The following PRRT1 variants were observed in gnomAD, a reference collection of about 807,000 sequenced individuals.
The protein encoded by PRRT1 is proline rich transmembrane protein 1.
PRRT1 carries 8 observed loss-of-function variants against 22.6 expected under a neutral mutation model. That is an observed-to-expected ratio of 0.35 (90% CI 0.21 to 0.64). The LOEUF is 0.64. PRRT1 is among the 30% of genes least tolerant of loss of function. The pLI, the probability that PRRT1 is intolerant of heterozygous loss-of-function variation, is 0.69. For missense variants in PRRT1, 315 were observed against 444.5 expected (o/e 0.71, Z 2.62); for synonymous variants, 176 against 203.6 (o/e 0.86, Z 1.15).
rs1231415912 is a variant in PRRT1, at chr6:32,149,680, T to G, written c.601A>C (p.Thr201Pro). Residue 201 changes from threonine (T) to proline (P), a missense_variant, in exon 3 of 4, where the codon ACT becomes CCT. By Grantham distance (38) the Thr-to-Pro change is conservative (BLOSUM62 -1). Transcript: ENST00000211413. The surrounding 1 kb of genome is among the most constrained non-coding windows in gnomAD (Gnocchi z 8.7). ...GTPGGTGVTSTLPPPPQGPGL... is the reference protein window; with the variant it reads ...GTPGGTGVTSPLPPPPQGPGL... ...GGGCCCTGGGGCGGCGGGGGGAGAG[T>G]GGAGGTCACTCCTGTTCCCCCCGGG... The G allele has an allele frequency of 6.2e-7, 1 of 1,609,310 alleles. No individual in the cohort carries two copies. The highest frequency in any genetic ancestry group is 1.3e-5 in the African/African-American group (1 of 74,580).
upstream of PRRT1, among the ~76,000 whole-genome samples, chr6:32,152,631 T>C (rs180937269): frequency 5.8e-4 from 88 of 152,156 alleles, no homozygotes; most frequent in African/African-American, 1.9e-3. Flanking sequence ...TAACTGCTCA[T>C]TTCTGGCAGC....
rs765420284 is a variant in PRRT1, at chr6:32,149,368, C to T, written c.775G>A (p.Val259Met). 1 of 1,604,948 alleles carries T rather than the reference C, an allele frequency of 6.2e-7. No individual in the cohort carries two copies. The highest frequency in any genetic ancestry group is 1.1e-5 in the South Asian group (1 of 90,476). Residue 259 changes from valine (V) to methionine (M), a missense_variant, in exon 4 of 4, where the codon GTG becomes ATG. Transcript: ENST00000211413. The surrounding 1 kb of genome is among the most constrained non-coding windows in gnomAD (Gnocchi z 8.7). Reference protein sequence around the residue: ...VRTALARGDMVSAEIASREAR... With the variant: ...VRTALARGDMMSAEIASREAR... ...TCGCGTGAAGCGATCTCGGCCGACA[C>T]CATGTCTCCGCGGGCCAAGGCCGTG...
In PRRT1 at chr6:32,151,815, T is replaced by C. The variant is rs910162769; in HGVS notation, c.13A>G (p.Lys5Glu). The change falls in exon 1 of 4, where the codon AAG (lysine) becomes GAG (glutamate). Residue 5 changes from lysine to glutamate, a missense_variant. By Grantham distance (56) the Lys-to-Glu change is moderately conservative (BLOSUM62 1). Around this residue, in one of 4 missense-constraint regions of PRRT1, gnomAD observed 263 missense variants for 328.5 expected, o/e 0.80. Transcript: ENST00000211413. ...GTTTTGTTATTGTTTTTACCTGACT[T>C]TTCGGATGACATGCCTGCGGTCTCG... MSSE[K>E]SGLPDSVPHT... 53 of 1,609,208 alleles carry C rather than the reference T, an allele frequency of 3.3e-5. No individual in the cohort carries two copies. The highest frequency in any genetic ancestry group is 4.4e-5 in the Non-Finnish European group (52 of 1,178,534).
upstream of PRRT1, chr6:32,151,961 GGGCGGGGGGGGCGGGC>G: frequency 3.3e-6 from 1 of 303,110 alleles, no homozygotes; most frequent in Admixed American, 3.7e-5. Context: ...CGGGGGGGGG[GGGCGGGGGGGGCGGGC>G]GGAGGGAGAG....
upstream of PRRT1, chr6:32,152,303 C>A: frequency 2.5e-6 from 1 of 398,314 alleles, no homozygotes; most frequent in Non-Finnish European, 4.9e-6. Flanking sequence ...GGCAGGTCGT[C>A]TCCCCCTCTT....
At chr6:32,152,955 GT>G (rs1378415858), upstream of PRRT1, 1 of 146,530 alleles carries the variant, frequency 6.8e-6, no homozygotes, top group East Asian at 2.0e-4. Flanking sequence ...CTTCCCTTAC[GT>G]CCCCCCAGCC....
rs1188145162 is a variant in PRRT1, at chr6:32,149,946, C to G, written c.559-224G>C. Reference sequence around the variant, plus strand: ...TATTCTTGGGCTTTCTACATTCTCTCCCGCAAGGTATGGTCCCACTGGGGC... The same window carrying G: ...TATTCTTGGGCTTTCTACATTCTCTGCCGCAAGGTATGGTCCCACTGGGGC... On this transcript the variant is annotated intron_variant, in intron 2 of 3. Transcript: ENST00000211413. This position sits in a 1 kb window ranked among gnomAD's most constrained non-coding sequence, Gnocchi z 8.7. The G allele has an allele frequency of 8.9e-6, 5 of 563,976 alleles. No individual in the cohort carries two copies. The highest frequency in any genetic ancestry group is 3.4e-5 in the Admixed American group (1 of 29,122). The allele number at this position is 563,976 out of a possible 1,614,324, so 34.9% of individuals were successfully genotyped here.
At position 32,149,031 on chromosome 6, in the gene PRRT1, G is replaced by A. The variant is rs894747348; in HGVS notation, c.*191C>T. 10 of 743,128 alleles carry A rather than the reference G, an allele frequency of 1.3e-5. No individual in the cohort carries two copies. The highest frequency in any genetic ancestry group is 9.5e-6 in the Non-Finnish European group (4 of 420,416). 46.0% of individuals were successfully genotyped at this position (743,128 alleles called of 1,614,324 possible). A position where few individuals can be genotyped will look rare whatever the true frequency, so the allele number is the denominator to read the frequency against. On this transcript the variant is annotated 3_prime_UTR_variant, in exon 4 of 4. Coordinates refer to ENST00000211413, the MANE Select transcript of PRRT1 (RefSeq NM_030651.4). This position sits in a 1 kb window ranked among gnomAD's most constrained non-coding sequence, Gnocchi z 8.7. ...CGTCCCTGGGGGTGTGGGTTTTGGA[G>A]GGGTTCCTGAGGAACTGGATTCCGA...
At chr6:32,152,102 T>G, upstream of PRRT1, 2 of 698,612 alleles carry the variant, frequency 2.9e-6, no homozygotes, top group Non-Finnish European at 5.3e-6. Flanking sequence ...TACCCCGGCA[T>G]TCAAGCCCCC....
chr6:32,151,098 C>T (rs2127378977), intron 1 of PRRT1, 192 bp from the exon 2 acceptor site: 1 of 705,430 alleles, frequency 1.4e-6, no homozygotes, highest in East Asian at 2.7e-5. Context: ...ATCTGCCCCC[C>T]TCCTTCTTCC....
chr6:32,149,753 T>A lies in PRRT1; in HGVS notation c.559-31A>T. ...GAAGGAAATTTGGGGGGCAGGGGCA[T>A]CACTCTGACCCTCTCCCAGCCTACC... On this transcript the variant is annotated intron_variant, in intron 2 of 3. Transcript: ENST00000211413. This position sits in a 1 kb window ranked among gnomAD's most constrained non-coding sequence, Gnocchi z 8.7. 1 of 1,443,822 alleles carries A rather than the reference T, an allele frequency of 6.9e-7. No individual in the cohort carries two copies. Among genetic ancestry groups the A allele is most frequent in the Non-Finnish European group, 9.3e-7 (1 of 1,070,650 alleles). The allele number at this position is 1,443,822 out of a possible 1,614,324, so 89.4% of individuals were successfully genotyped here. A position where few individuals can be genotyped will look rare whatever the true frequency, so the allele number is the denominator to read the frequency against.
In PRRT1 at chr6:32,150,022, G is replaced by A. The variant is rs1783170779; in HGVS notation, c.559-300C>T. ...TTTCTTCCCTCCAGACACCTACCAG[G>A]CCTCCCCTACCCCCTTAGTCCCAGG... On this transcript the variant is annotated intron_variant, in intron 2 of 3. Coordinates refer to ENST00000211413, the MANE Select transcript of PRRT1 (RefSeq NM_030651.4). The surrounding 1 kb of genome is among the most constrained non-coding windows in gnomAD (Gnocchi z 7.2). 6.6e-6 allele frequency among the ~76,000 whole-genome samples: 1 copy of A among 151,712 alleles called. No individual in the cohort carries two copies. Among genetic ancestry groups the A allele is most frequent in the African/African-American group, 2.4e-5 (1 of 41,282 alleles).
Position 32,149,776 on chromosome 6 carries a change from A to T in PRRT1, c.559-54T>A. 8.2e-7 allele frequency: 1 copy of T among 1,217,028 alleles called. No individual in the cohort carries two copies. The highest frequency in any genetic ancestry group is 2.7e-5 in the Admixed American group (1 of 37,372). 75.4% of individuals were successfully genotyped at this position (1,217,028 alleles called of 1,614,324 possible). A position where few individuals can be genotyped will look rare whatever the true frequency, so the allele number is the denominator to read the frequency against. On this transcript the variant is annotated intron_variant, in intron 2 of 3. Coordinates refer to ENST00000211413, the MANE Select transcript of PRRT1 (RefSeq NM_030651.4). The surrounding 1 kb of genome is among the most constrained non-coding windows in gnomAD (Gnocchi z 8.7). ...CATCACTCTGACCCTCTCCCAGCCT[A>T]CCAGCGTTGGGCGGCTGGCAGAGTG... is the stretch of plus-strand genomic sequence containing the variant.
upstream of PRRT1, among the ~76,000 whole-genome samples, chr6:32,152,551 G>A (rs981024586): frequency 3.9e-5 from 6 of 152,134 alleles, no homozygotes; most frequent in East Asian, 9.6e-4. Context: ...TTTGGGCGGT[G>A]TGCATACATA....
upstream of PRRT1, chr6:32,152,773 G>C (rs995709172): frequency 1.1e-4 from 17 of 152,436 alleles, no homozygotes; most frequent in African/African-American, 4.1e-4. Context: ...CCACCAAGAC[G>C]CATCTCCAGC....
In PRRT1 at chr6:32,149,780, G is replaced by A; in HGVS notation, c.559-58C>T. 1 of 1,165,990 alleles carries A rather than the reference G, an allele frequency of 8.6e-7. No homozygotes were observed. Among genetic ancestry groups the A allele is most frequent in the Non-Finnish European group, 1.2e-6 (1 of 844,206 alleles). The allele number at this position is 1,165,990 out of a possible 1,614,324, so 72.2% of individuals were successfully genotyped here. A position where few individuals can be genotyped will look rare whatever the true frequency, so the allele number is the denominator to read the frequency against. ...ACTCTGACCCTCTCCCAGCCTACCAGCGTTGGGCGGCTGGCAGAGTGGCTT... is the reference window on the plus strand; with the variant it reads ...ACTCTGACCCTCTCCCAGCCTACCAACGTTGGGCGGCTGGCAGAGTGGCTT... On this transcript the variant is annotated intron_variant, in intron 2 of 3. Coordinates refer to ENST00000211413, the MANE Select transcript of PRRT1 (RefSeq NM_030651.4). This position sits in a 1 kb window ranked among gnomAD's most constrained non-coding sequence, Gnocchi z 8.7.
chr6:32,150,401 G>A lies in PRRT1; in HGVS notation c.525C>T (p.Cys175=). 1.3e-6 allele frequency: 2 copies of A among 1,543,940 alleles called. No individual in the cohort carries two copies. The highest frequency in any genetic ancestry group is 1.7e-6 in the Non-Finnish European group (2 of 1,154,054). ...CCGGGTAGACCGGCACGTAAGCAGT[G>A]CAAGGCTGCAGCTGCAGGGGGTATC... is the stretch of plus-strand genomic sequence containing the variant. ...APGYPLQLQP[C]TAYVPVYPVG... Residue 175 remains cysteine, a synonymous_variant, in exon 2 of 4, where the codon TGC becomes TGT. Transcript: ENST00000211413. This position sits in a 1 kb window ranked among gnomAD's most constrained non-coding sequence, Gnocchi z 7.2.
rs192833125 is a variant in PRRT1, at chr6:32,150,123, T to C, written c.558+245A>G. On this transcript the variant is annotated intron_variant, in intron 2 of 3. Transcript: ENST00000211413. This position sits in a 1 kb window ranked among gnomAD's most constrained non-coding sequence, Gnocchi z 7.2. ...CCAGGCGGTTTCCTACTTTCAGACC[T>C]CCTCTGAACCTCTAGGCTCCGATCC... Among the ~76,000 whole-genome samples, 21 of 151,858 alleles carry C rather than the reference T, an allele frequency of 1.4e-4. No individual in the cohort carries two copies. Among genetic ancestry groups the C allele is most frequent in the Non-Finnish European group, 2.9e-4 (20 of 67,934 alleles).
Position 32,150,334 on chromosome 6 carries a change from C to G in PRRT1, c.558+34G>C, listed in dbSNP as rs1347274944. Reference sequence around the variant, plus strand: ...ATTTCAAGTCCTGTATCGCGTCCCCCTCTTTCCCATGTCCCTGTCTGCCCG... The same window carrying G: ...ATTTCAAGTCCTGTATCGCGTCCCCGTCTTTCCCATGTCCCTGTCTGCCCG... On this transcript the variant is annotated intron_variant, in intron 2 of 3. Transcript: ENST00000211413. The surrounding 1 kb of genome is among the most constrained non-coding windows in gnomAD (Gnocchi z 7.2). 1 of 1,547,886 alleles carries G rather than the reference C, an allele frequency of 6.5e-7. No individual in the cohort carries two copies. Among genetic ancestry groups the G allele is most frequent in the Admixed American group, 2.1e-5 (1 of 47,376 alleles).
Sources: allele counts gnomAD v4.1 joint callset (sites outside exome capture counted in the v4.1 genomes callset), GRCh38; gene constraint gnomAD v4.1.1; regional missense constraint gnomAD v4.1.1; non-coding constraint Gnocchi (gnomAD v3.1); transcripts MANE v1.5; gene names NCBI Gene and HGNC (gene_info 2026-07-23, HGNC 2026-07-21).